The following NTRK1 variants were observed in gnomAD, a reference collection of about 807,000 sequenced individuals.
NTRK1 encodes the protein high affinity nerve growth factor receptor.
Under a neutral mutation model 86.8 loss-of-function variants are expected in NTRK1, and 62 were observed. The observed-to-expected ratio is 0.71, with a 90% CI of 0.58 to 0.88. The LOEUF (loss-of-function observed/expected upper bound fraction) is 0.88. Among genes scored for constraint, NTRK1 ranks in the 40% least tolerant of loss-of-function variants. The pLI is 0.00. For missense variants in NTRK1, 967 were observed against 1,078.4 expected, an observed-to-expected ratio of 0.90 and a Z score of 1.45; for synonymous variants, 469 against 456.6, an observed-to-expected ratio of 1.03 and a Z score of -0.35.
rs35237064 is a variant in NTRK1 at position 156,850,534 on chromosome 1, CTTTTTTTTTTTTTTTT to C, written c.50+8357_50+8372del. Among the ~76,000 whole-genome samples, 48 of 58,640 alleles carry C rather than the reference CTTTTTTTTTTTTTTTT, an allele frequency of 8.2e-4. 3 individuals are homozygous for C. In the South Asian group the frequency reaches 0.015, roughly 18 times the overall value. The allele number at this position is 58,640 out of a possible 152,430, so 38.5% of individuals were successfully genotyped here. A position where few individuals can be genotyped will look rare whatever the true frequency, so the allele number is the denominator to read the frequency against. On this transcript the variant is annotated intron_variant, in intron 2 of 16. Transcript: ENST00000392302. ...GACCTGGATGGTAATTTAAAACATTCTTTTTTTTTTTTTTTTTTTTTTTTTTTTTTTGAGATGGAGT... is the reference window on the plus strand; with the variant it reads ...GACCTGGATGGTAATTTAAAACATTCTTTTTTTTTTTTTTTGAGATGGAGT...
chr1:156,868,697 G>A, intron 6 of NTRK1, 50 bp downstream of exon 6: 1 of 1,546,206 alleles, frequency 6.5e-7, no homozygotes, highest in Non-Finnish European at 8.7e-7. Context: ...CAGAGCACAG[G>A]GGACAAAGAT....
rs759190964 is a variant in NTRK1, at chr1:156,880,095, G to A, written c.2143G>A (p.Val715Met). 1.1e-5 allele frequency: 18 copies of A among 1,613,482 alleles called. No homozygotes were observed. Among genetic ancestry groups the A allele is most frequent in the Admixed American group, 3.3e-5 (2 of 59,972 alleles). The change falls in exon 16 of 17, where the codon GTG becomes ATG. Residue 715 changes from valine (V) to methionine (M), a missense_variant. Physicochemically the swap from Val to Met is conservative, Grantham distance 21. Around this residue, in one of 2 missense-constraint regions of NTRK1, gnomAD observed 637 missense variants for 776.5 expected, o/e 0.82. Coordinates refer to ENST00000524377, the MANE Select transcript of NTRK1 (RefSeq NM_002529.4). The stretch of plus-strand genomic sequence containing the variant: ...CGAGAGCGACGTGTGGAGCTTCGGC[G>A]TGGTGCTCTGGGAGATCTTCACCTA... ...TTESDVWSFGVVLWEIFTYGK... is the reference protein window; with the variant it reads ...TTESDVWSFGMVLWEIFTYGK...
chr1:156,838,933 G>T (rs559236819), intron 1 of NTRK1, among the ~76,000 whole-genome samples: 5 of 152,362 alleles, frequency 3.3e-5, no homozygotes, highest in African/African-American at 1.2e-4. Flanking sequence ...TGAGTGTGCA[G>T]GTCTCAGAGC....
At chr1:156,841,704 G>T in intron 1 of NTRK1, 3 of 1,614,092 alleles carry the variant, frequency 1.9e-6, no homozygotes, top group Non-Finnish European at 2.5e-6. Flanking sequence ...ATCTTTGAGG[G>T]ACTCGGGGGC....
At chr1:156,835,849 C>A (rs1017819383) in intron 1 of NTRK1, among the ~76,000 whole-genome samples, 16 of 152,310 alleles carry the variant, frequency 1.1e-4, no homozygotes, top group African/African-American at 3.8e-4. Context: ...ATTCTGCTTC[C>A]AAAAGAGGTA....
chr1:156,869,016 CTCCCTTCCTTCCT>C (rs759615051), intron 6 of NTRK1, among the ~76,000 whole-genome samples: 19,735 of 122,376 alleles, frequency 0.16, 2,733 homozygotes, highest in East Asian at 0.22. Flanking sequence ...ACTTTTCTCT[CTCCCTTCCTTCCT>C]TCCTTCCTTC....
At chr1:156,859,735 G>A (rs1195966331), upstream of NTRK1, among the ~76,000 whole-genome samples, 1 of 152,178 alleles carries the variant, frequency 6.6e-6, no homozygotes, top group Non-Finnish European at 1.5e-5. The surrounding 1 kb of genome is among the most constrained non-coding windows in gnomAD (Gnocchi z 6.2). Flanking sequence ...GGGACTTGGG[G>A]GGCCATCCGT....
intron 1 of NTRK1, chr1:156,840,637 ACTC>A (rs1654737871): frequency 1.7e-6 from 1 of 572,354 alleles, no homozygotes; most frequent in Non-Finnish European, 3.1e-6. Flanking sequence ...CCTGATCTCT[ACTC>A]CTCTGGCTTT....
chr1:156,835,781 C>T (rs12098085), intron 1 of NTRK1, among the ~76,000 whole-genome samples: 23,220 of 152,110 alleles, frequency 0.15, 2,896 homozygotes, highest in African/African-American at 0.34. Context: ...AAGCACTGGG[C>T]ATCCATTATC....
At chr1:156,864,639 A>G in intron 2 of NTRK1, 89 bp from the exon 3 acceptor site, 3 of 1,411,872 alleles carry the variant, frequency 2.1e-6, no homozygotes, top group Non-Finnish European at 3.0e-6. Flanking sequence ...GGTTCAGCAC[A>G]GGGGACTGGG....
chr1:156,864,372 G>T lies in NTRK1; in HGVS notation c.231G>T (p.Gln77His), dbSNP rs1010879309. Residue 77 changes from glutamine to histidine, a missense_variant, in exon 2 of 17, where the codon CAG (glutamine) becomes CAT (histidine). Gln to His is a conservative substitution (Grantham distance 24, BLOSUM62 0). Transcript: ENST00000524377. ...NLTELYIENQ[Q>H]HLQHLELRDL... ...CCCACAGCTACATCGAGAACCAGCAGCATCTGCAGCATCTGGAGCTCCGTG... is the reference window on the plus strand; with the variant it reads ...CCCACAGCTACATCGAGAACCAGCATCATCTGCAGCATCTGGAGCTCCGTG... 2 of 1,614,196 alleles carry T rather than the reference G, an allele frequency of 1.2e-6. No homozygotes were observed. The highest frequency in any genetic ancestry group is 1.7e-6 in the Non-Finnish European group (2 of 1,180,030).
At chr1:156,856,982 C>T (rs1465670623), upstream of NTRK1, among the ~76,000 whole-genome samples, 1 of 152,184 alleles carries the variant, frequency 6.6e-6, no homozygotes, top group African/African-American at 2.4e-5. Flanking sequence ...TACTTCCCTT[C>T]CCACCGAGCC....
Position 156,876,168 on chromosome 1 carries a change from C to T in NTRK1, c.1590C>T (p.His530=), listed in dbSNP as rs1195643301. The T allele has an allele frequency of 1.2e-6, 2 of 1,614,064 alleles. No individual in the cohort carries two copies. The highest frequency in any genetic ancestry group is 1.7e-6 in the Non-Finnish European group (2 of 1,180,038). ...AFGKVFLAEC[H]NLLPEQDKML... ...GGAAGGTCTTCCTTGCTGAGTGCCACAACCTCCTGCCTGAGCAGGACAAGA... is the reference window on the plus strand; with the variant it reads ...GGAAGGTCTTCCTTGCTGAGTGCCATAACCTCCTGCCTGAGCAGGACAAGA... Residue 530 remains histidine, a synonymous_variant, in exon 13 of 17, where the codon CAC becomes CAT. Coordinates refer to ENST00000524377, the MANE Select transcript of NTRK1 (RefSeq NM_002529.4).
At position 156,879,351 on chromosome 1, in the gene NTRK1, G is replaced by C. The variant is rs775191394; in HGVS notation, c.2035G>C (p.Asp679His). The C allele has an allele frequency of 1.9e-6, 3 of 1,604,354 alleles. No homozygotes were observed. Among genetic ancestry groups the C allele is most frequent in the Non-Finnish European group, 2.5e-6 (3 of 1,178,522 alleles). The change falls in exon 15 of 17, where the codon GAC (aspartate) becomes CAC (histidine). Residue 679 changes from aspartate (D) to histidine (H), a missense_variant. Physicochemically the swap from Asp to His is moderately conservative, Grantham distance 81 (BLOSUM62 -1). This residue lies in a region of NTRK1 where 637 missense variants were observed against 776.5 expected (regional missense o/e 0.82). Transcript: ENST00000524377. ...CATGAGCAGGGATATCTACAGCACC[G>C]ACTATTACCGTGTAAGGGTCCTTTG... ...FGMSRDIYST[D>H]YYRVGGRTML...
At position 156,875,580 on chromosome 1, in the gene NTRK1, G is replaced by A. The variant is rs1178401434; in HGVS notation, c.1415G>A (p.Gly472Asp). ...ATGTCCCTGCATTTCATGACATTGG[G>A]TGGCAGCTCCCTGTCCCCCACCGAG... ...LAMSLHFMTL[G>D]GSSLSPTEGK... Residue 472 changes from glycine (G) to aspartate (D), a missense_variant, in exon 12 of 17, where the codon GGT becomes GAT. Gly to Asp is a moderately conservative substitution (Grantham distance 94, BLOSUM62 -1). This residue lies in a region of NTRK1 where 637 missense variants were observed against 776.5 expected (regional missense o/e 0.82). Coordinates refer to ENST00000524377, the MANE Select transcript of NTRK1 (RefSeq NM_002529.4). The A allele has an allele frequency of 6.2e-7, 1 of 1,613,940 alleles. No homozygotes were observed.
chr1:156,841,090 CT>C, intron 1 of NTRK1: 9 of 1,562,048 alleles, frequency 5.8e-6, no homozygotes, highest in Non-Finnish European at 7.8e-6. Flanking sequence ...CCAGCAGCGG[CT>C]CATCAGCTCC....
intron 1 of NTRK1, among the ~76,000 whole-genome samples, chr1:156,822,869 T>C (rs1654225169): frequency 6.6e-6 from 1 of 152,146 alleles, no homozygotes. Context: ...TTCAGAGATG[T>C]CCCAGAGAGT....
chr1:156,848,285 C>A (rs1655080180), intron 2 of NTRK1, among the ~76,000 whole-genome samples: 1 of 152,214 alleles, frequency 6.6e-6, no homozygotes, highest in Non-Finnish European at 1.5e-5. Context: ...CAGGTGGCCT[C>A]CATCTTCTAT....
At chr1:156,820,839 T>C (rs1654167607) in intron 1 of NTRK1, among the ~76,000 whole-genome samples, 1 of 152,220 alleles carries the variant, frequency 6.6e-6, no homozygotes, top group African/African-American at 2.4e-5. Context: ...AGGTATTTTG[T>C]TGGAAATTGC....
Sources: gnomAD v4.1 joint callset for allele counts (sites outside exome capture counted in the v4.1 genomes callset) on GRCh38, gnomAD v4.1.1 for gene constraint, gnomAD v4.1.1 regional missense constraint, Gnocchi (gnomAD v3.1) non-coding constraint, MANE v1.5 for transcripts, NCBI Gene and HGNC (gene_info 2026-07-23, HGNC 2026-07-21) for gene names.